The following AKAP13 variants were observed in gnomAD, a reference collection of about 807,000 sequenced individuals.
AKAP13 encodes A-kinase anchor protein 13.
A neutral mutation model predicts 264.5 loss-of-function variants in AKAP13; 80 were observed. That is an observed-to-expected ratio of 0.30 (90% CI 0.25 to 0.36). AKAP13 has a LOEUF of 0.36. AKAP13 is among the 10% of genes least tolerant of loss of function. AKAP13 has a pLI of 1.00. For synonymous variants in AKAP13, 1,380 were observed against 1,250.2 expected (o/e 1.10, Z -2.19); for missense variants, 3,712 against 3,435.2 (o/e 1.08, Z -2.01).
intron 5 of AKAP13, among the ~76,000 whole-genome samples, chr15:85,566,111 A>G (rs1012200023): frequency 4.6e-5 from 7 of 152,368 alleles, no homozygotes; most frequent in African/African-American, 1.4e-4. Flanking sequence ...TTGTACTATC[A>G]CTACCAGTGC....
intron 2 of AKAP13, among the ~76,000 whole-genome samples, chr15:85,519,405 A>C (rs537352394): frequency 6.6e-6 from 1 of 152,206 alleles, no homozygotes; most frequent in East Asian, 1.9e-4. Context: ...TAGTTTGTCA[A>C]CCTAGTCATA....
At chr15:85,498,862 T>A (rs1336252275) in intron 2 of AKAP13, among the ~76,000 whole-genome samples, 1 of 152,180 alleles carries the variant, frequency 6.6e-6, no homozygotes, top group African/African-American at 2.4e-5. Flanking sequence ...ATCTCAGACC[T>A]AAATGCCAGA....
At chr15:85,729,677 C>G (rs563052947) in intron 29 of AKAP13, among the ~76,000 whole-genome samples, 1 of 152,156 alleles carries the variant, frequency 6.6e-6, no homozygotes, top group South Asian at 2.1e-4. Context: ...TGGCTCACAC[C>G]TGTAATCCCA....
intron 8 of AKAP13, among the ~76,000 whole-genome samples, chr15:85,615,910 G>A (rs1003534059): frequency 6.6e-6 from 1 of 152,176 alleles, no homozygotes; most frequent in South Asian, 2.1e-4. Context: ...TCTTGGTCCA[G>A]AGGGTCAAAC....
At chr15:85,719,051 C>T (rs550641751) in intron 22 of AKAP13, 25 bp from the exon 23 acceptor site, 2 of 1,611,688 alleles carry the variant, frequency 1.2e-6, no homozygotes, top group South Asian at 2.2e-5. Context: ...GTGTTCCTGA[C>T]ACTTGATCTT....
At chr15:85,478,147 C>T (rs1735517190) in intron 1 of AKAP13, among the ~76,000 whole-genome samples, 1 of 152,158 alleles carries the variant, frequency 6.6e-6, no homozygotes, top group Admixed American at 6.5e-5. Flanking sequence ...ATACATATGA[C>T]CCTTTACTAA....
At chr15:85,577,749 G>A (rs2079064175) in intron 6 of AKAP13, 1 of 937,568 alleles carries the variant, frequency 1.1e-6, no homozygotes, top group Admixed American at 6.2e-5. Flanking sequence ...AATATGTTCT[G>A]ATTTTATCAA....
intron 17 of AKAP13, 48 bp from the exon 18 acceptor site, chr15:85,707,971 G>T: frequency 6.3e-7 from 1 of 1,594,134 alleles, no homozygotes; most frequent in Non-Finnish European, 8.6e-7. Flanking sequence ...TCAGAATCTG[G>T]GATCTGTTTG....
Position 85,513,392 on chromosome 15 carries a change from T to A in AKAP13, c.34-8036T>A, listed in dbSNP as rs528189739. Among the ~76,000 whole-genome samples, 12 of 152,204 alleles carry A rather than the reference T, an allele frequency of 7.9e-5. No homozygotes were observed. In the South Asian group the frequency reaches 2.5e-3, roughly 32 times the overall value. On this transcript the variant is annotated intron_variant, in intron 2 of 36. Transcript: ENST00000394518. ...GGTTTTACAATTTTTTATTTTTATG[T>A]TTTTAAAACTTTTAATGTGGACATA... is the stretch of plus-strand genomic sequence containing the variant.
At chr15:85,511,307 C>T (rs933210730) in intron 2 of AKAP13, among the ~76,000 whole-genome samples, 2 of 152,158 alleles carry the variant, frequency 1.3e-5, no homozygotes, top group African/African-American at 2.4e-5. Flanking sequence ...TAGTCATTGG[C>T]TCTCTATTAC....
At chr15:85,648,576 G>A (rs906530393) in intron 10 of AKAP13, among the ~76,000 whole-genome samples, 3 of 152,096 alleles carry the variant, frequency 2.0e-5, no homozygotes, top group East Asian at 1.9e-4. Flanking sequence ...GAGGCCAGGC[G>A]TGGTGGATCT....
intron 1 of AKAP13, among the ~76,000 whole-genome samples, chr15:85,447,406 G>A (rs2073939305): frequency 6.6e-6 from 1 of 152,066 alleles, no homozygotes; most frequent in African/African-American, 2.4e-5. Flanking sequence ...GGGGATACAT[G>A]TTAAGGTTTG....
chr15:85,638,691 T>C (rs917492161), intron 8 of AKAP13, among the ~76,000 whole-genome samples: 3 of 152,144 alleles, frequency 2.0e-5, no homozygotes, highest in African/African-American at 4.8e-5. Flanking sequence ...AAGTATTTGC[T>C]TTTTAGAATA....
chr15:85,530,905 G>A (rs945591023), intron 3 of AKAP13, among the ~76,000 whole-genome samples: 1 of 152,088 alleles, frequency 6.6e-6, no homozygotes, highest in Non-Finnish European at 1.5e-5. Flanking sequence ...TAGAGACAGG[G>A]TCTCTGTCTC....
chr15:85,441,646 TTGTATC>T (rs2073657835), intron 1 of AKAP13, among the ~76,000 whole-genome samples: 1 of 152,234 alleles, frequency 6.6e-6, no homozygotes, highest in African/African-American at 2.4e-5. Context: ...TTTTGTAAGT[TTGTATC>T]TGTGATCCAT....
At chr15:85,726,985 G>A in intron 27 of AKAP13, 81 bp from the exon 28 acceptor site, 1 of 1,509,966 alleles carries the variant, frequency 6.6e-7, no homozygotes, top group African/African-American at 1.4e-5. Flanking sequence ...ACAGCATCTG[G>A]TCTTACCTTA....
rs139567301 is a variant in AKAP13 at position 85,402,428 on chromosome 15, C to A, written c.-12+21630C>A. ...GGATGTCTTTGTTCTTGGTATAAGT[C>A]TTTCATGGTTAGGGAAATTTTACTG... On this transcript the variant is annotated intron_variant, in intron 1 of 36. Coordinates refer to ENST00000394518, the MANE Select transcript of AKAP13 (RefSeq NM_007200.5). Among the ~76,000 whole-genome samples, 21 of 152,252 alleles carry A rather than the reference C, an allele frequency of 1.4e-4. No homozygotes were observed. The East Asian group carries it at 4.1e-3, about 29-fold the overall frequency.
chr15:85,632,102 C>T (rs1196580199), intron 8 of AKAP13, among the ~76,000 whole-genome samples: 2 of 152,090 alleles, frequency 1.3e-5, no homozygotes, highest in Admixed American at 6.6e-5. Context: ...GGAAATTGTT[C>T]CGTACTTGCA....
At chr15:85,484,692 G>A (rs989382789) in intron 1 of AKAP13, among the ~76,000 whole-genome samples, 2 of 152,134 alleles carry the variant, frequency 1.3e-5, no homozygotes, top group African/African-American at 4.8e-5. Context: ...TTGTAATATC[G>A]AGATGGTTCT....
Sources: gnomAD v4.1 joint callset for allele counts (sites outside exome capture counted in the v4.1 genomes callset) on GRCh38, gnomAD v4.1.1 for gene constraint, MANE v1.5 for transcripts, NCBI Gene and HGNC (gene_info 2026-07-23, HGNC 2026-07-21) for gene names.